Variants in PTPRK observed in about 807,000 individuals in gnomAD.
PTPRK encodes the protein protein tyrosine phosphatase receptor type K.
PTPRK carries 75 observed loss-of-function variants against 178.0 expected under a neutral mutation model. The observed-to-expected ratio is 0.42, with a 90% confidence interval of 0.35 to 0.51. PTPRK has a LOEUF of 0.51. Among genes scored for constraint, PTPRK ranks in the 20% least tolerant of loss-of-function variants. The pLI is 0.02. For missense variants in PTPRK, 1,441 were observed against 1,797.8 expected (o/e 0.80, Z 3.59); for synonymous variants, 637 against 620.6 (o/e 1.03, Z -0.39).
At chr6:128,109,099 T>A (rs1366400700) in intron 7 of PTPRK, among the ~76,000 whole-genome samples, 16 of 152,108 alleles carry the variant, frequency 1.1e-4, no homozygotes, top group Admixed American at 1.0e-3. Context: ...AACTACCATG[T>A]GTCAATGATT....
chr6:128,016,766 T>C (rs529127982), intron 13 of PTPRK, among the ~76,000 whole-genome samples: 1 of 151,896 alleles, frequency 6.6e-6, no homozygotes, highest in African/African-American at 2.4e-5. Flanking sequence ...GAGTCCAAGA[T>C]GTATAGTAGA....
intron 14 of PTPRK, among the ~76,000 whole-genome samples, chr6:128,006,442 T>C (rs1307801425): frequency 6.6e-6 from 1 of 150,968 alleles, no homozygotes; most frequent in African/African-American, 2.4e-5. Context: ...CTATATAGAT[T>C]ATTTTTCTTT....
intron 13 of PTPRK, among the ~76,000 whole-genome samples, chr6:128,058,272 C>G (rs1780236467): frequency 6.6e-6 from 1 of 152,182 alleles, no homozygotes; most frequent in Non-Finnish European, 1.5e-5. Context: ...ATACCCCCAC[C>G]AGCAGGATGG....
chr6:128,461,360 C>T (rs1041164720), intron 1 of PTPRK, among the ~76,000 whole-genome samples: 1 of 151,936 alleles, frequency 6.6e-6, no homozygotes, highest in Non-Finnish European at 1.5e-5. Context: ...TAAAAGGACA[C>T]TTAAATACAT....
At chr6:128,199,035 G>A (rs956587929) in intron 6 of PTPRK, among the ~76,000 whole-genome samples, 1 of 152,142 alleles carries the variant, frequency 6.6e-6, no homozygotes, top group Admixed American at 6.6e-5. Flanking sequence ...TAAATTATAT[G>A]AGAAATTAAG....
At chr6:128,448,310 A>G (rs1002388619) in intron 1 of PTPRK, among the ~76,000 whole-genome samples, 1 of 152,246 alleles carries the variant, frequency 6.6e-6, no homozygotes, top group Non-Finnish European at 1.5e-5. Flanking sequence ...ATGGCTATTT[A>G]TAATCATTAA....
intron 1 of PTPRK, among the ~76,000 whole-genome samples, chr6:128,488,587 T>A (rs1183699768): frequency 1.3e-5 from 2 of 152,178 alleles, no homozygotes; most frequent in Non-Finnish European, 2.9e-5. Flanking sequence ...AGCAGATAAT[T>A]TTCTTTGAAA....
At chr6:128,146,715 A>C (rs931616628) in intron 7 of PTPRK, among the ~76,000 whole-genome samples, 2 of 152,116 alleles carry the variant, frequency 1.3e-5, no homozygotes, top group Non-Finnish European at 2.9e-5. Context: ...GGCATGAGCC[A>C]CCGTGCCCAG....
intron 7 of PTPRK, among the ~76,000 whole-genome samples, chr6:128,150,157 T>C (rs912346335): frequency 2.6e-5 from 4 of 152,154 alleles, no homozygotes; most frequent in Non-Finnish European, 2.9e-5. Flanking sequence ...ACAATCAATA[T>C]AGCAGTAAAC....
chr6:128,296,728 T>C (rs1824480293), intron 3 of PTPRK, among the ~76,000 whole-genome samples: 1 of 152,116 alleles, frequency 6.6e-6, no homozygotes, highest in Non-Finnish European at 1.5e-5. Flanking sequence ...AAGGAAGCCC[T>C]AAACATGGAA....
intron 28 of PTPRK, among the ~76,000 whole-genome samples, 181 bp downstream of exon 28, chr6:127,973,483 A>T (rs1562363789): frequency 1.3e-5 from 2 of 152,228 alleles, no homozygotes; most frequent in South Asian, 4.1e-4. Flanking sequence ...ATAATAATCA[A>T]TATTTAGAAA....
At chr6:128,206,575 T>C (rs1032156800) in intron 6 of PTPRK, among the ~76,000 whole-genome samples, 5 of 152,080 alleles carry the variant, frequency 3.3e-5, no homozygotes, top group South Asian at 2.1e-4. Flanking sequence ...TATAGGCAGA[T>C]AAGGCAAGAA....
intron 2 of PTPRK, among the ~76,000 whole-genome samples, chr6:128,342,817 T>C (rs1489291473): frequency 2.0e-5 from 3 of 152,132 alleles, no homozygotes; most frequent in Non-Finnish European, 2.9e-5. Flanking sequence ...CCATGCATAG[T>C]AGCACACACC....
intron 13 of PTPRK, among the ~76,000 whole-genome samples, chr6:128,024,302 C>T (rs1304099240): frequency 6.6e-6 from 1 of 152,142 alleles, no homozygotes; most frequent in East Asian, 1.9e-4. Flanking sequence ...GCCACAACTA[C>T]TTGCATTGTA....
chr6:128,266,751 C>T (rs558136448), intron 3 of PTPRK, among the ~76,000 whole-genome samples: 1 of 152,190 alleles, frequency 6.6e-6, no homozygotes, highest in South Asian at 2.1e-4. Flanking sequence ...ATAAAACAAA[C>T]TTGTGCTGAA....
chr6:127,974,952 A>G (rs938115645), intron 27 of PTPRK, among the ~76,000 whole-genome samples: 1 of 152,210 alleles, frequency 6.6e-6, no homozygotes, highest in Non-Finnish European at 1.5e-5. Context: ...TGAGTAAATC[A>G]TATCAGATTG....
chr6:128,426,862 T>C (rs1844207206), intron 1 of PTPRK, among the ~76,000 whole-genome samples: 1 of 152,232 alleles, frequency 6.6e-6, no homozygotes, highest in Non-Finnish European at 1.5e-5. Flanking sequence ...AAGGAACACT[T>C]GTTAAATAAA....
intron 1 of PTPRK, among the ~76,000 whole-genome samples, chr6:128,466,959 C>T (rs572735330): frequency 4.6e-5 from 7 of 152,148 alleles, no homozygotes; most frequent in African/African-American, 1.4e-4. Context: ...ATTTTGGACA[C>T]GAGGATTAAA....
intron 13 of PTPRK, among the ~76,000 whole-genome samples, chr6:128,056,429 C>CA (rs1340964792): frequency 1.4e-5 from 2 of 143,764 alleles, no homozygotes; most frequent in African/African-American, 2.5e-5. Context: ...ATATGCTTTT[C>CA]TTTTTTTTTT....
Sources: allele counts gnomAD v4.1 joint callset (sites outside exome capture counted in the v4.1 genomes callset), GRCh38; gene constraint gnomAD v4.1.1; transcripts MANE v1.5; gene names NCBI Gene and HGNC (gene_info 2026-07-23, HGNC 2026-07-21).